The following ARHGEF3 variants were observed in gnomAD, a reference collection of about 807,000 sequenced individuals.
ARHGEF3 encodes 59.8 kDA protein.
In ARHGEF3, 28 loss-of-function variants were observed where a neutral mutation model predicts 63.2. The ratio of observed to expected loss-of-function variants is 0.44; its 90% CI spans 0.33 to 0.61. The LOEUF (loss-of-function observed/expected upper bound fraction) is 0.61. Ranked by LOEUF, ARHGEF3 falls within the 20% of genes least tolerant of loss-of-function variation. The pLI is 0.03. For missense variants in ARHGEF3, 533 were observed against 659.3 expected, an observed-to-expected ratio of 0.81 and a Z score of 2.10; for synonymous variants, 266 against 254.2, an observed-to-expected ratio of 1.05 and a Z score of -0.44.
chr3:56,968,155 A>G (rs191881815), intron 2 of ARHGEF3, among the ~76,000 whole-genome samples: 1 of 39,822 alleles, frequency 2.5e-5, no homozygotes. Context: ...TATATATAAA[A>G]ATATATATTA....
rs55876198 is a variant in ARHGEF3, at chr3:57,068,168, T to TACACACAC, written c.-28+11050_-28+11057dup. The stretch of plus-strand genomic sequence containing the variant: ...ATTCAGATATGCGCGCACACACACA[T>TACACACAC]ACACACACACACACACACACACCAG... On this transcript the variant is annotated intron_variant, in intron 1 of 12. Coordinates refer to the ARHGEF3 transcript ENST00000338458. 8.8e-4 allele frequency among the ~76,000 whole-genome samples: 131 copies of TACACACAC among 149,090 alleles called. 1 individual carries two copies. The Middle Eastern group carries it at 0.01, about 12-fold the overall frequency.
intron 7 of ARHGEF3, 31 bp from the exon 8 acceptor site, chr3:56,737,386 G>T (rs779835735): frequency 6.4e-7 from 1 of 1,572,048 alleles, no homozygotes; most frequent in African/African-American, 1.4e-5. Flanking sequence ...ATTAAGTATG[G>T]AGGAAAGCAG....
At chr3:56,857,475 T>A (rs2039926173) in intron 4 of ARHGEF3, among the ~76,000 whole-genome samples, 1 of 152,144 alleles carries the variant, frequency 6.6e-6, no homozygotes. Flanking sequence ...CTTGCAACCA[T>A]GAGGGACACC....
At chr3:56,735,239 G>A (rs1198366711) in intron 8 of ARHGEF3, among the ~76,000 whole-genome samples, 4 of 152,114 alleles carry the variant, frequency 2.6e-5, no homozygotes, top group African/African-American at 4.8e-5. Context: ...AGCCAAGATC[G>A]TGCCACTGCA....
intron 1 of ARHGEF3, among the ~76,000 whole-genome samples, chr3:57,056,223 TAAA>T (rs1704927496): frequency 6.6e-6 from 1 of 151,674 alleles, no homozygotes; most frequent in Non-Finnish European, 1.5e-5. Context: ...CCATCTCTGC[TAAA>T]AATACAAAAA....
chr3:57,032,557 G>A lies in ARHGEF3; in HGVS notation c.62+2531C>T, dbSNP rs538603740. Reference sequence around the variant, plus strand: ...TACTCTTTGGGTTGGTTTTGAATACGTTTCTGTCTGTTACCTAATGGCCAC... The same window carrying A: ...TACTCTTTGGGTTGGTTTTGAATACATTTCTGTCTGTTACCTAATGGCCAC... On this transcript the variant is annotated intron_variant, in intron 2 of 12. Transcript: ENST00000338458. Among the ~76,000 whole-genome samples the A allele has an allele frequency of 1.6e-4, 24 of 152,272 alleles. No homozygotes were observed. The East Asian group carries it at 1.9e-3, about 12-fold the overall frequency.
intron 1 of ARHGEF3, among the ~76,000 whole-genome samples, chr3:57,053,794 CTG>C (rs1704782122): frequency 6.6e-6 from 1 of 152,208 alleles, no homozygotes; most frequent in Non-Finnish European, 1.5e-5. Flanking sequence ...CCAGTCATCA[CTG>C]TGTTAGAAGT....
At chr3:56,781,615 C>G (rs1295593579) in intron 1 of ARHGEF3, among the ~76,000 whole-genome samples, 1 of 152,184 alleles carries the variant, frequency 6.6e-6, no homozygotes, top group Non-Finnish European at 1.5e-5. Context: ...TTTAAGCCAC[C>G]TAGCTTATGG....
intron 2 of ARHGEF3, among the ~76,000 whole-genome samples, chr3:56,967,907 TTA>T (rs1333018057): frequency 1.5e-5 from 1 of 67,872 alleles, no homozygotes; most frequent in Admixed American, 2.9e-4. Context: ...AAATAATATA[TTA>T]TATATAATAT....
intron 6 of ARHGEF3, among the ~76,000 whole-genome samples, chr3:56,749,539 C>T (rs766894535): frequency 1.1e-4 from 17 of 152,144 alleles, no homozygotes; most frequent in Non-Finnish European, 2.1e-4. Context: ...TCCACAGACT[C>T]AGGAAGTTTA....
At chr3:57,022,675 T>C (rs371616587) in intron 2 of ARHGEF3, among the ~76,000 whole-genome samples, 183 of 151,748 alleles carry the variant, frequency 1.2e-3, no homozygotes, top group African/African-American at 4.2e-3. Context: ...CCATCTCTGT[T>C]GACTGGGAAC....
At chr3:56,753,082 A>G (rs547978140) in intron 4 of ARHGEF3, among the ~76,000 whole-genome samples, 1 of 152,360 alleles carries the variant, frequency 6.6e-6, no homozygotes, top group Admixed American at 6.5e-5. Flanking sequence ...AACTTATATG[A>G]TAGTATGCAA....
Position 57,000,310 on chromosome 3 carries a change from C to CACACACACACACACACA in ARHGEF3, c.62+34777_62+34778insTGTGTGTGTGTGTGTGT, listed in dbSNP as rs1560120499. 3.6e-3 allele frequency among the ~76,000 whole-genome samples: 504 copies of CACACACACACACACACA among 139,262 alleles called. 8 individuals are homozygous for CACACACACACACACACA. The highest frequency in any genetic ancestry group is 0.013 in the African/African-American group (480 of 36,392). 91.4% of individuals were successfully genotyped at this position (139,262 alleles called of 152,430 possible). ...AAGTCCTTTTTTTAGAGGGTAACTC[C>CACACACACACACACACA]CACACACACACACACACACACACAC... On this transcript the variant is annotated intron_variant, in intron 2 of 12. Coordinates refer to the ARHGEF3 transcript ENST00000338458.
chr3:56,889,837 G>T (rs1005736930), intron 3 of ARHGEF3, among the ~76,000 whole-genome samples: 1 of 152,152 alleles, frequency 6.6e-6, no homozygotes, highest in Non-Finnish European at 1.5e-5. Context: ...CGAGATGGGC[G>T]GATCACCTGA....
intron 1 of ARHGEF3, among the ~76,000 whole-genome samples, chr3:57,059,038 T>C (rs1457317265): frequency 1.3e-5 from 2 of 150,628 alleles, no homozygotes; most frequent in Admixed American, 6.6e-5. Flanking sequence ...ATATACCTAA[T>C]GTAAATGATG....
At chr3:56,937,798 T>C (rs375808676) in intron 3 of ARHGEF3, among the ~76,000 whole-genome samples, 79 of 152,344 alleles carry the variant, frequency 5.2e-4, no homozygotes, top group African/African-American at 1.9e-3. Context: ...GAGTCACTCA[T>C]CTAACTTGTG....
chr3:56,958,722 T>A, intron 3 of ARHGEF3: 1 of 1,254,550 alleles, frequency 8.0e-7, no homozygotes, highest in East Asian at 2.6e-5. Flanking sequence ...GATGGAGACT[T>A]TGATTAGTAA....
upstream of ARHGEF3, among the ~76,000 whole-genome samples, chr3:56,803,630 T>C (rs1312680588): frequency 1.3e-5 from 2 of 151,918 alleles, no homozygotes; most frequent in Admixed American, 6.6e-5. Flanking sequence ...AGCAAGACCC[T>C]GCCTCTACAA....
chr3:56,919,935 G>A (rs1422341769), intron 3 of ARHGEF3, among the ~76,000 whole-genome samples: 1 of 152,218 alleles, frequency 6.6e-6, no homozygotes, highest in African/African-American at 2.4e-5. Flanking sequence ...ACAGCCCTCA[G>A]AAGACACAGC....
Sources: allele counts gnomAD v4.1 joint callset (sites outside exome capture counted in the v4.1 genomes callset), GRCh38; gene constraint gnomAD v4.1.1; transcripts MANE v1.5; gene names NCBI Gene and HGNC (gene_info 2026-07-23, HGNC 2026-07-21).